The following PHF24 variants were observed in gnomAD, a reference collection of about 807,000 sequenced individuals.
The protein encoded by PHF24 is PHD finger protein 24, also known as Galpha inhibitory interacting protein.
Under a neutral mutation model 42.6 loss-of-function variants are expected in PHF24, and 25 were observed. The observed-to-expected ratio is 0.59, with a 90% CI of 0.43 to 0.82. The LOEUF is 0.82. Ranked by LOEUF, PHF24 falls within the 40% of genes least tolerant of loss-of-function variation. The probability of loss-of-function intolerance (pLI) is 0.00; values close to 1 mark genes in which losing one functional copy is unlikely to be tolerated. For missense variants in PHF24, 470 were observed against 538.1 expected (o/e 0.87, Z 1.25); for synonymous variants, 185 against 204.8 (o/e 0.90, Z 0.83).
At chr9:34,854,678 G>A in the PHF24 span, among the ~76,000 whole-genome samples, 8 of 152,168 alleles carry the variant, frequency 5.3e-5, no homozygotes, top group Non-Finnish European at 7.4e-5. Flanking sequence ...CATTTGCTGA[G>A]AAGTATTTTT....
the PHF24 span, among the ~76,000 whole-genome samples, chr9:34,937,647 T>TA: frequency 1.4e-5 from 2 of 142,792 alleles, no homozygotes; most frequent in African/African-American, 2.6e-5. Context: ...ATGATCAATT[T>TA]AAAAAAAAAA....
At chr9:34,922,201 C>A in the PHF24 span, 1 of 1,590,136 alleles carries the variant, frequency 6.3e-7, no homozygotes, top group South Asian at 1.1e-5. Flanking sequence ...TCCCCTCCTT[C>A]TCCTGCTTCA....
At chr9:34,697,738 G>A in the PHF24 span, among the ~76,000 whole-genome samples, 1 of 152,198 alleles carries the variant, frequency 6.6e-6, no homozygotes, top group Non-Finnish European at 1.5e-5. Flanking sequence ...TACCTATTTT[G>A]TACACCTCCG....
the PHF24 span, chr9:34,690,368 GAC>G: frequency 1.9e-6 from 3 of 1,611,192 alleles, no homozygotes; most frequent in Non-Finnish European, 2.5e-6. Flanking sequence ...AAGGTGACAG[GAC>G]ACAGGGACCC....
the PHF24 span, among the ~76,000 whole-genome samples, chr9:34,867,876 T>C: frequency 2.0e-5 from 3 of 151,960 alleles, no homozygotes; most frequent in Non-Finnish European, 4.4e-5. Flanking sequence ...GTGTAGATAC[T>C]GTTGCTAAAT....
At chr9:34,726,962 C>T in the PHF24 span, 1 of 1,550,350 alleles carries the variant, frequency 6.5e-7, no homozygotes, top group Non-Finnish European at 8.7e-7. Context: ...TCGCCGCACA[C>T]TTCTCTCCAG....
chr9:34,739,748 A>G, the PHF24 span, among the ~76,000 whole-genome samples: 1 of 152,068 alleles, frequency 6.6e-6, no homozygotes, highest in East Asian at 1.9e-4. Flanking sequence ...CGAAAGAATA[A>G]AGCTTCCACA....
chr9:34,723,288 A>G, the PHF24 span: 1 of 1,551,742 alleles, frequency 6.4e-7, no homozygotes, highest in Non-Finnish European at 8.7e-7. Context: ...TGACGAGGGC[A>G]GTGGCGGGGG....
At chr9:34,718,639 A>G in the PHF24 span, among the ~76,000 whole-genome samples, 1 of 152,366 alleles carries the variant, frequency 6.6e-6, no homozygotes, top group East Asian at 1.9e-4. Context: ...GTTAAGCAGC[A>G]GAGGCCCAGC....
the PHF24 span, among the ~76,000 whole-genome samples, chr9:34,711,249 CTT>C: frequency 6.0e-4 from 85 of 141,708 alleles, no homozygotes; most frequent in Admixed American, 7.1e-4. Flanking sequence ...TAGCTTTTAT[CTT>C]TTTTTTTTTT....
At chr9:34,916,187 C>A in the PHF24 span, among the ~76,000 whole-genome samples, 1 of 152,182 alleles carries the variant, frequency 6.6e-6, no homozygotes, top group Non-Finnish European at 1.5e-5. Context: ...AATCCTCTAT[C>A]ACTATAAATA....
chr9:34,967,027 C>T (rs1029688093), intron 1 of PHF24, among the ~76,000 whole-genome samples: 2 of 152,200 alleles, frequency 1.3e-5, no homozygotes, highest in South Asian at 4.1e-4. Context: ...CAGGCATGTG[C>T]CACTATGCCT....
chr9:34,695,401 T>A, the PHF24 span, among the ~76,000 whole-genome samples: 1 of 152,246 alleles, frequency 6.6e-6, no homozygotes, highest in Non-Finnish European at 1.5e-5. Flanking sequence ...TGGCTGTTTA[T>A]CTGTTCTTTG....
the PHF24 span, among the ~76,000 whole-genome samples, chr9:34,842,527 T>C: frequency 6.6e-6 from 1 of 152,152 alleles, no homozygotes; most frequent in Non-Finnish European, 1.5e-5. Flanking sequence ...TTAATGACTT[T>C]ATAAATAAGA....
chr9:34,915,914 C>CA, the PHF24 span, among the ~76,000 whole-genome samples: 20 of 151,956 alleles, frequency 1.3e-4, no homozygotes, highest in East Asian at 1.2e-3. Flanking sequence ...AGCGGTCCCC[C>CA]CCCACACCAC....
At chr9:34,850,575 A>G in the PHF24 span, among the ~76,000 whole-genome samples, 1 of 152,268 alleles carries the variant, frequency 6.6e-6, no homozygotes, top group African/African-American at 2.4e-5. Context: ...GAGTAGTTTG[A>G]TCATCTGAAG....
chr9:34,908,849 T>C, the PHF24 span, among the ~76,000 whole-genome samples: 2 of 147,496 alleles, frequency 1.4e-5, no homozygotes, highest in Non-Finnish European at 3.0e-5. Context: ...TTTCTTTTTT[T>C]TTTTTTTTCT....
chr9:34,835,302 C>T, the PHF24 span: 121 of 1,551,798 alleles, frequency 7.8e-5, no homozygotes, highest in East Asian at 2.0e-4. Flanking sequence ...ACTGGCTGGT[C>T]ATTTCCAGGT....
the PHF24 span, among the ~76,000 whole-genome samples, chr9:34,842,777 GTGTT>G: frequency 6.6e-6 from 1 of 152,170 alleles, no homozygotes; most frequent in Non-Finnish European, 1.5e-5. Context: ...AAAACTGTGT[GTGTT>G]TAATTTTTTT....
Sources: gnomAD v4.1 joint callset for allele counts (sites outside exome capture counted in the v4.1 genomes callset) on GRCh38, gnomAD v4.1.1 for gene constraint, MANE v1.5 for transcripts, NCBI Gene and HGNC (gene_info 2026-07-23, HGNC 2026-07-21) for gene names.